The following PPL variants were observed in gnomAD, a reference collection of about 807,000 sequenced individuals.
PPL encodes the protein 190 kDa paraneoplastic pemphigus antigen.
PPL carries 198 observed loss-of-function variants against 194.4 expected under a neutral mutation model. That is an observed-to-expected ratio of 1.02 (90% CI 0.91 to 1.15). The LOEUF (loss-of-function observed/expected upper bound fraction) is 1.15, where lower values mean the gene tolerates loss of function less well. PPL is among the 50% of genes most tolerant of loss of function. The probability of loss-of-function intolerance (pLI) is 0.00; values close to 1 mark genes in which losing one functional copy is unlikely to be tolerated. For missense variants in PPL, 2,885 were observed against 2,294.8 expected, an observed-to-expected ratio of 1.26 and a Z score of -5.25; for synonymous variants, 1,220 against 972.4, an observed-to-expected ratio of 1.25 and a Z score of -4.74.
chr16:4,936,505 C>T (rs1171239653), intron 1 of PPL, among the ~76,000 whole-genome samples: 1 of 152,210 alleles, frequency 6.6e-6, no homozygotes, highest in Non-Finnish European at 1.5e-5. Flanking sequence ...GAGCGCCCCC[C>T]GACGCCAGCT....
chr16:4,886,991 G>C (rs901229930), intron 21 of PPL, 144 bp downstream of exon 21: 15 of 694,346 alleles, frequency 2.2e-5, no homozygotes, highest in Non-Finnish European at 2.6e-6. Context: ...GCATTGGCTC[G>C]GGCCAGTCTT....
At chr16:4,911,734 C>T (rs2088824280) in intron 1 of PPL, among the ~76,000 whole-genome samples, 2 of 151,934 alleles carry the variant, frequency 1.3e-5, no homozygotes. Context: ...GAAGGGGTTT[C>T]ACCATGTCAC....
intron 9 of PPL, among the ~76,000 whole-genome samples, chr16:4,896,720 A>G (rs922804403): frequency 2.0e-5 from 3 of 150,616 alleles, no homozygotes; most frequent in African/African-American, 4.9e-5. Context: ...GCTCACTGCA[A>G]CCTCTGCCTC....
At chr16:4,912,230 T>C (rs1654270005) in intron 1 of PPL, among the ~76,000 whole-genome samples, 1 of 152,214 alleles carries the variant, frequency 6.6e-6, no homozygotes, top group African/African-American at 2.4e-5. Context: ...CTCCAGCCCC[T>C]GGCAACCAGG....
chr16:4,936,430 C>T (rs1034337700), intron 1 of PPL, among the ~76,000 whole-genome samples: 1 of 152,204 alleles, frequency 6.6e-6, no homozygotes, highest in African/African-American at 2.4e-5. Flanking sequence ...GGCCCGCCCC[C>T]TCCGGACACC....
chr16:4,936,843 G>C (rs1218904758), intron 1 of PPL, 141 bp downstream of exon 1: 5 of 792,254 alleles, frequency 6.3e-6, no homozygotes, highest in Non-Finnish European at 8.9e-6. Flanking sequence ...CCGCGTTCCC[G>C]AGAGTCCCGC....
intron 1 of PPL, among the ~76,000 whole-genome samples, chr16:4,929,013 TAA>T (rs1167603474): frequency 0.11 from 1,833 of 16,716 alleles, 24 homozygotes; most frequent in African/African-American, 0.27. Context: ...AACTCTACCT[TAA>T]AAAAAAAAAA....
Position 4,883,930 on chromosome 16 carries a change from C to T in PPL, c.4725G>A (p.Leu1575=), listed in dbSNP as rs753813901. The stretch of plus-strand genomic sequence containing the variant: ...ATTGGAGCCTTCGGGTCTCCAGCTG[C>T]AGGTTTTGCCTCTCCAGCTGTAATT... ...NHKLQLERQN[L]QLETRRLQSE... is the part of the protein sequence containing the mutation. Residue 1575 remains leucine, a synonymous_variant, in exon 22 of 22, where the codon CTG becomes CTA. Coordinates refer to ENST00000345988, the MANE Select transcript of PPL (RefSeq NM_002705.5). This position sits in a 1 kb window ranked among gnomAD's most constrained non-coding sequence, Gnocchi z 4.8. The T allele has an allele frequency of 5.6e-6, 9 of 1,614,074 alleles. No individual in the cohort carries two copies. The South Asian group carries it at 9.9e-5, about 18-fold the overall frequency.
At chr16:4,898,347 C>G (rs1050546565) in intron 8 of PPL, among the ~76,000 whole-genome samples, 11 of 152,206 alleles carry the variant, frequency 7.2e-5, no homozygotes, top group African/African-American at 2.4e-4. Context: ...CATCGCACTC[C>G]AGCCTGGGCA....
At chr16:4,925,843 G>T (rs1294669413) in intron 1 of PPL, among the ~76,000 whole-genome samples, 1 of 152,188 alleles carries the variant, frequency 6.6e-6, no homozygotes, top group Non-Finnish European at 1.5e-5. Flanking sequence ...CAGACAAAGG[G>T]ACAAGAGACA....
intron 2 of PPL, among the ~76,000 whole-genome samples, chr16:4,904,714 C>T (rs1291912212): frequency 6.6e-6 from 1 of 152,078 alleles, no homozygotes; most frequent in African/African-American, 2.4e-5. Flanking sequence ...AGCTAGAACA[C>T]ACAATGGCTG....
intron 6 of PPL, among the ~76,000 whole-genome samples, chr16:4,900,546 C>G (rs2088542983): frequency 6.8e-6 from 1 of 148,076 alleles, no homozygotes; most frequent in South Asian, 2.2e-4. Context: ...CTCAAGCGAT[C>G]CTCCCACTTC....
chr16:4,912,214 C>T (rs1327606817), intron 1 of PPL, among the ~76,000 whole-genome samples: 1 of 152,246 alleles, frequency 6.6e-6, no homozygotes, highest in Admixed American at 6.5e-5. Flanking sequence ...CCCTATTCCC[C>T]ACCCGCTCCA....
At chr16:4,928,053 C>G (rs1000507298) in intron 1 of PPL, among the ~76,000 whole-genome samples, 3 of 152,194 alleles carry the variant, frequency 2.0e-5, no homozygotes, top group African/African-American at 7.2e-5. Flanking sequence ...TTCCTAGACT[C>G]GGGGGATAAA....
chr16:4,927,543 C>A (rs1383924259), intron 1 of PPL, among the ~76,000 whole-genome samples: 1 of 152,208 alleles, frequency 6.6e-6, no homozygotes, highest in Non-Finnish European at 1.5e-5. Context: ...AATCCTAGAT[C>A]TCTATAGGAA....
At chr16:4,898,949 C>T in intron 8 of PPL, 64 bp downstream of exon 8, 3 of 1,395,418 alleles carry the variant, frequency 2.1e-6, no homozygotes, top group South Asian at 1.2e-5. Flanking sequence ...CTCCAGGCGG[C>T]CCACAGGCAG....
chr16:4,895,796 C>T, intron 9 of PPL, 80 bp from the exon 10 acceptor site: 2 of 1,594,740 alleles, frequency 1.3e-6, no homozygotes, highest in Admixed American at 1.7e-5. Flanking sequence ...CAAGCTCATC[C>T]CTCAGGCGGG....
Position 4,882,719 on chromosome 16 carries a change from T to TATCA in PPL, c.*661_*664dup, listed in dbSNP as rs1199479805. 6.6e-6 allele frequency: 1 copy of TATCA among 152,544 alleles called. No individual in the cohort carries two copies. The highest frequency in any genetic ancestry group is 2.4e-5 in the African/African-American group (1 of 41,464). 9.4% of individuals were successfully genotyped at this position (152,544 alleles called of 1,614,324 possible). ...TAAGGCTAACAGCAGCACAATCCAC[T>TATCA]ATCAAAGGATTTAAATGCCAGAACT... On this transcript the variant is annotated 3_prime_UTR_variant, in exon 22 of 22. Transcript: ENST00000345988.
At chr16:4,917,410 G>C (rs929271752) in intron 1 of PPL, among the ~76,000 whole-genome samples, 10 of 152,126 alleles carry the variant, frequency 6.6e-5, no homozygotes, top group Non-Finnish European at 1.3e-4. Context: ...AGACACAAAA[G>C]CTCACATATT....
Sources: allele counts gnomAD v4.1 joint callset (sites outside exome capture counted in the v4.1 genomes callset), GRCh38; gene constraint gnomAD v4.1.1; non-coding constraint Gnocchi (gnomAD v3.1); transcripts MANE v1.5; gene names NCBI Gene and HGNC (gene_info 2026-07-23, HGNC 2026-07-21).